Variants in KCNH8 observed in about 807,000 individuals in gnomAD.
KCNH8 encodes the protein voltage-gated delayed rectifier potassium channel KCNH8.
Under a neutral mutation model 103.6 loss-of-function variants are expected in KCNH8, and 70 were observed. That is an observed-to-expected ratio of 0.68 (90% CI 0.56 to 0.82). The LOEUF (loss-of-function observed/expected upper bound fraction) is 0.82. Ranked by LOEUF, KCNH8 falls within the 40% of genes least tolerant of loss-of-function variation. The probability of loss-of-function intolerance (pLI) is 0.00; values close to 1 mark genes in which losing one functional copy is unlikely to be tolerated. For synonymous variants in KCNH8, 498 were observed against 489.4 expected, an observed-to-expected ratio of 1.02 and a Z score of -0.23; for missense variants, 1,217 against 1,329.9, an observed-to-expected ratio of 0.92 and a Z score of 1.32.
At chr3:19,217,942 G>A (rs1233974304) in intron 1 of KCNH8, among the ~76,000 whole-genome samples, 1 of 152,130 alleles carries the variant, frequency 6.6e-6, no homozygotes, top group Non-Finnish European at 1.5e-5. Context: ...GGATGCAGGA[G>A]GATGCCAGGC....
intron 2 of KCNH8, among the ~76,000 whole-genome samples, chr3:19,259,652 G>A (rs897783248): frequency 6.6e-6 from 1 of 151,492 alleles, no homozygotes; most frequent in African/African-American, 2.4e-5. Flanking sequence ...ATTATCTGAT[G>A]ACATAGTAAA....
intron 3 of KCNH8, among the ~76,000 whole-genome samples, chr3:19,292,251 G>A (rs2064939030): frequency 6.6e-6 from 1 of 152,092 alleles, no homozygotes; most frequent in Admixed American, 6.6e-5. Context: ...TAGAATGAGG[G>A]GATTTCAATT....
At chr3:19,485,023 T>A (rs917649462) in intron 11 of KCNH8, among the ~76,000 whole-genome samples, 5 of 152,210 alleles carry the variant, frequency 3.3e-5, no homozygotes, top group Non-Finnish European at 5.9e-5. Context: ...CATACTTTTT[T>A]AAAACTATTT....
chr3:19,381,194 T>C (rs956973963), intron 5 of KCNH8, among the ~76,000 whole-genome samples: 2 of 151,142 alleles, frequency 1.3e-5, no homozygotes, highest in Non-Finnish European at 3.0e-5. Flanking sequence ...ATCTGACAAA[T>C]AAGCCATTGG....
chr3:19,262,852 A>C (rs1442131769), intron 2 of KCNH8, among the ~76,000 whole-genome samples: 2 of 152,076 alleles, frequency 1.3e-5, no homozygotes, highest in South Asian at 2.1e-4. Context: ...TCTAAGATTG[A>C]GTGAGACCTG....
In KCNH8 at chr3:19,196,355, G is replaced by A. The variant is rs115039785; in HGVS notation, c.76+47560G>A. The stretch of plus-strand genomic sequence containing the variant: ...AAGTGACATCTAATCCCATGTGTTC[G>A]GAAGTTTCAAATTTCTGCTCTAATC... On this transcript the variant is annotated intron_variant, in intron 1 of 15. Coordinates refer to ENST00000328405, the MANE Select transcript of KCNH8 (RefSeq NM_144633.3). Among the ~76,000 whole-genome samples the A allele has an allele frequency of 3.6e-3, 547 of 151,910 alleles. 6 individuals carry two copies. The highest frequency in any genetic ancestry group is 0.012 in the African/African-American group (511 of 41,446).
In KCNH8 at chr3:19,347,992, G is replaced by A. The variant is rs370477225; in HGVS notation, c.811+27G>A. 50 of 1,605,952 alleles carry A rather than the reference G, an allele frequency of 3.1e-5. No homozygotes were observed. The African/African-American group carries it at 4.3e-4, about 14-fold the overall frequency. ...TAAGAACAAACAGCTGCTTTCCTAC[G>A]ATATTTGCATATGAGAAGTGAAGTG... On this transcript the variant is annotated intron_variant, in intron 5 of 15. Transcript: ENST00000328405.
intron 1 of KCNH8, among the ~76,000 whole-genome samples, chr3:19,247,482 T>C (rs748895191): frequency 6.6e-6 from 1 of 152,182 alleles, no homozygotes; most frequent in Non-Finnish European, 1.5e-5. Flanking sequence ...TGAACCTGCA[T>C]GTAAAGGTAA....
intron 2 of KCNH8, among the ~76,000 whole-genome samples, chr3:19,272,221 A>G (rs2064598612): frequency 6.6e-6 from 1 of 152,114 alleles, no homozygotes; most frequent in African/African-American, 2.4e-5. Flanking sequence ...GCAGAGCACC[A>G]GATGGTTCTA....
At chr3:19,436,501 C>A (rs2067201718) in intron 7 of KCNH8, among the ~76,000 whole-genome samples, 1 of 152,178 alleles carries the variant, frequency 6.6e-6, no homozygotes, top group Non-Finnish European at 1.5e-5. Context: ...CATAGCCAAT[C>A]CTCGGATTTG....
intron 11 of KCNH8, among the ~76,000 whole-genome samples, chr3:19,484,452 C>T (rs2068160908): frequency 6.6e-6 from 1 of 152,142 alleles, no homozygotes; most frequent in Non-Finnish European, 1.5e-5. Flanking sequence ...ATGAGTTTTA[C>T]GATGATTCTC....
chr3:19,287,170 G>A (rs1450589274), intron 3 of KCNH8, among the ~76,000 whole-genome samples: 1 of 152,082 alleles, frequency 6.6e-6, no homozygotes, highest in Non-Finnish European at 1.5e-5. Flanking sequence ...CAAGAGGAGG[G>A]AGGAAAGAAG....
At chr3:19,505,029 G>A in intron 11 of KCNH8, among the ~76,000 whole-genome samples, 1 of 149,420 alleles carries the variant, frequency 6.7e-6, no homozygotes, top group East Asian at 2.0e-4. Context: ...ATATGTATGT[G>A]TATATATATA....
At chr3:19,299,385 C>T (rs2065035738) in intron 3 of KCNH8, among the ~76,000 whole-genome samples, 1 of 151,978 alleles carries the variant, frequency 6.6e-6, no homozygotes, top group Non-Finnish European at 1.5e-5. Context: ...ATCCCAGCCA[C>T]CCAGGAGGGT....
intron 5 of KCNH8, among the ~76,000 whole-genome samples, chr3:19,354,528 C>T (rs2065850983): frequency 1.3e-5 from 2 of 152,090 alleles, no homozygotes; most frequent in South Asian, 4.1e-4. Flanking sequence ...GGTACCAAAA[C>T]AGAGATATAG....
chr3:19,451,212 G>T lies in KCNH8; in HGVS notation c.1633G>T (p.Glu545Ter). ...TGACATCACTATGCACTTGAACAAG[G>T]AGATCTTACAGTTGTCCCTTTTTGA... is the stretch of plus-strand genomic sequence containing the variant. ...RSDITMHLNK[E>*]ILQLSLFECA... is the part of the protein sequence containing the mutation. Residue 545 changes from glutamate (E) to a stop codon, truncating the protein, a stop_gained, in exon 10 of 16, where the codon GAG becomes TAG. Coordinates refer to ENST00000328405, the MANE Select transcript of KCNH8 (RefSeq NM_144633.3). LOFTEE classifies it high-confidence loss of function. 1 of 1,613,810 alleles carries T rather than the reference G, an allele frequency of 6.2e-7. No individual in the cohort carries two copies. The highest frequency in any genetic ancestry group is 1.7e-4 in the Middle Eastern group (1 of 6,060).
At position 19,224,627 on chromosome 3, in the gene KCNH8, A is replaced by G. The variant is rs1184029037; in HGVS notation, c.77-29027A>G. Among the ~76,000 whole-genome samples, 3 of 151,220 alleles carry G rather than the reference A, an allele frequency of 2.0e-5. No individual in the cohort carries two copies. The East Asian group carries it at 5.8e-4, about 29-fold the overall frequency. The stretch of plus-strand genomic sequence containing the variant: ...ATGATCATAGCTTACTGTAACCTCA[A>G]ACTCCTGGGCTCAAATGATCTTCCC... On this transcript the variant is annotated intron_variant, in intron 1 of 15. Coordinates refer to ENST00000328405, the MANE Select transcript of KCNH8 (RefSeq NM_144633.3).
At chr3:19,269,700 T>C (rs1279673247) in intron 2 of KCNH8, among the ~76,000 whole-genome samples, 2 of 152,160 alleles carry the variant, frequency 1.3e-5, no homozygotes, top group African/African-American at 4.8e-5. Flanking sequence ...CGCTTTGTAA[T>C]GCAGCTGAGA....
rs774285928 is a variant in KCNH8 at position 19,347,934 on chromosome 3, T to C, written c.780T>C (p.Ser260=). The C allele has an allele frequency of 1.2e-5, 20 of 1,613,062 alleles. No homozygotes were observed. The South Asian group carries it at 2.2e-4, about 18-fold the overall frequency. ...DLSTTRSTTV[S]DIAVEILFII... ...CCACAACTCGGAGCACAACCGTCAG[T>C]GACATTGCAGTGGAGATTCTTTTTA... is the stretch of plus-strand genomic sequence containing the variant. Residue 260 remains serine (S), a synonymous_variant, in exon 5 of 16, where the codon AGT becomes AGC. Coordinates refer to ENST00000328405, the MANE Select transcript of KCNH8 (RefSeq NM_144633.3).
Sources: gnomAD v4.1 joint callset for allele counts (sites outside exome capture counted in the v4.1 genomes callset) on GRCh38, gnomAD v4.1.1 for gene constraint, MANE v1.5 for transcripts, NCBI Gene and HGNC (gene_info 2026-07-23, HGNC 2026-07-21) for gene names.